LCP2: variants seen among roughly 807,000 people sequenced by gnomAD.
The protein encoded by LCP2 is lymphocyte cytosolic protein 2.
Under a neutral mutation model 74.5 loss-of-function variants are expected in LCP2, and 29 were observed. That is an observed-to-expected ratio of 0.39 (90% CI 0.29 to 0.53). LCP2 has a LOEUF of 0.53. LCP2 is among the 20% of genes least tolerant of loss of function. The pLI is 0.72. For synonymous variants in LCP2, 228 were observed against 229.5 expected (o/e 0.99, Z 0.06); for missense variants, 604 against 634.6 (o/e 0.95, Z 0.52).
chr5:170,289,516 G>T (rs1026085411), intron 2 of LCP2, among the ~76,000 whole-genome samples: 56 of 152,312 alleles, frequency 3.7e-4, no homozygotes, highest in African/African-American at 1.3e-3. Flanking sequence ...ACCTGCGGCA[G>T]GGTGGGGCTG....
At chr5:170,252,391 A>G (rs1581056439) in intron 19 of LCP2, 43 bp downstream of exon 19, 1 of 1,124,740 alleles carries the variant, frequency 8.9e-7, no homozygotes, top group South Asian at 1.3e-5. Flanking sequence ...CTTCTCTGCC[A>G]TTAATATTTA....
chr5:170,274,032 G>A (rs995423009), intron 6 of LCP2: 81 of 499,138 alleles, frequency 1.6e-4, no homozygotes, highest in Non-Finnish European at 1.8e-4. Context: ...GTTTATGGGC[G>A]CAAAGCCAAG....
intron 16 of LCP2, 70 bp downstream of exon 16, chr5:170,257,967 T>C: frequency 6.6e-7 from 1 of 1,513,362 alleles, no homozygotes; most frequent in Non-Finnish European, 9.2e-7. Flanking sequence ...TCAATCTGCC[T>C]GGCATTACTT....
At chr5:170,279,126 AGT>A (rs1561974935) in intron 3 of LCP2, among the ~76,000 whole-genome samples, 1 of 152,098 alleles carries the variant, frequency 6.6e-6, no homozygotes, top group Non-Finnish European at 1.5e-5. Context: ...CAGAGCAAGA[AGT>A]GATGGGGGCT....
chr5:170,269,235 T>A (rs1761845902), intron 7 of LCP2, among the ~76,000 whole-genome samples: 1 of 152,226 alleles, frequency 6.6e-6, no homozygotes, highest in African/African-American at 2.4e-5. Flanking sequence ...TCCACGGAAG[T>A]GTCCCTAGGC....
chr5:170,288,032 A>G lies in LCP2; in HGVS notation c.142-16T>C, dbSNP rs372670210. The G allele has an allele frequency of 2.5e-6, 4 of 1,613,830 alleles. No homozygotes were observed. Among genetic ancestry groups the G allele is most frequent in the South Asian group, 1.1e-5 (1 of 91,080 alleles). On this transcript the variant is annotated splice_polypyrimidine_tract_variant and intron_variant, in intron 2 of 20. Transcript: ENST00000046794. Reference sequence around the variant, plus strand: ...CTGTCAGGTTCTGAAATGAAGACACATATGGCAGGCAGGTTACAACCCACA... The same window carrying G: ...CTGTCAGGTTCTGAAATGAAGACACGTATGGCAGGCAGGTTACAACCCACA...
chr5:170,297,560 C>G lies in LCP2; in HGVS notation c.52G>C (p.Asp18His). Residue 18 changes from aspartate to histidine, a missense_variant, in exon 1 of 21, where the codon GAC (aspartate) becomes CAC (histidine). Coordinates refer to ENST00000046794, the MANE Select transcript of LCP2 (RefSeq NM_005565.5). ...FRSEVLGWDP[D>H]SLADYFKKLN... ...TTCTTGAAATAGTCAGCAAGGCTGT[C>G]GGGGTCCCAGCCCAGGACCTCTGAG... 6.2e-7 allele frequency: 1 copy of G among 1,613,046 alleles called. No homozygotes were observed. Among genetic ancestry groups the G allele is most frequent in the Non-Finnish European group, 8.5e-7 (1 of 1,179,482 alleles).
intron 1 of LCP2, 115 bp downstream of exon 1, chr5:170,297,419 G>T: frequency 4.7e-6 from 4 of 857,396 alleles, no homozygotes; most frequent in East Asian, 2.8e-5. Context: ...TTGCCATAGG[G>T]TTCCATTGCT....
Position 170,267,075 on chromosome 5 carries a change from G to C in LCP2, c.622C>G (p.Pro208Ala). The C allele has an allele frequency of 1.2e-6, 2 of 1,613,766 alleles. No homozygotes were observed. The highest frequency in any genetic ancestry group is 1.7e-6 in the Non-Finnish European group (2 of 1,179,878). Residue 208 changes from proline (P) to alanine (A), a missense_variant and splice_region_variant, in exon 9 of 21, where the codon CCA becomes GCA. By Grantham distance (27) the Pro-to-Ala change is conservative. Transcript: ENST00000046794. ...TGGTTGGTCTGGGGTGGGGGCAGTG[G>C]CTGCATAAAGATCCAAACGTTAGGA... The part of the protein sequence containing the change: ...PPPPAGRNHS[P>A]LPPPQTNHEE...
At position 170,275,281 on chromosome 5, in the gene LCP2, C is replaced by A. The variant is rs565376461; in HGVS notation, c.286+39G>T. 11 of 1,611,944 alleles carry A rather than the reference C, an allele frequency of 6.8e-6. No homozygotes were observed. In the South Asian group the frequency reaches 1.2e-4, roughly 18 times the overall value. ...GGCAAGAAAACTGAAATACCTATCA[C>A]CTCCTAAAGCAATCACCTCTGAGCC... On this transcript the variant is annotated intron_variant, in intron 5 of 20. Transcript: ENST00000046794.
intron 14 of LCP2, 51 bp downstream of exon 14, chr5:170,261,056 A>G (rs778815910): frequency 5.7e-6 from 8 of 1,402,834 alleles, no homozygotes; most frequent in Non-Finnish European, 7.1e-6. Context: ...CTAAGAGCCT[A>G]TGCTTCTTTT....
chr5:170,290,976 GAA>G (rs1451021305), intron 2 of LCP2, among the ~76,000 whole-genome samples: 19 of 79,790 alleles, frequency 2.4e-4, no homozygotes, highest in African/African-American at 9.4e-4. Context: ...AAGAAAGAAA[GAA>G]AGAAAGAAAG....
rs745980728 is a variant in LCP2 at position 170,256,722 on chromosome 5, A to C, written c.1101-147T>G. 4.0e-5 allele frequency: 27 copies of C among 674,224 alleles called. No homozygotes were observed. In the Admixed American group the frequency reaches 5.7e-4, roughly 14 times the overall value. The allele number at this position is 674,224 out of a possible 1,614,324, so 41.8% of individuals were successfully genotyped here. On this transcript the variant is annotated intron_variant, in intron 16 of 20. Transcript: ENST00000046794. The surrounding 1 kb of genome is among the most constrained non-coding windows in gnomAD (Gnocchi z 4.5). ...CCCCAAAACCATGGGGGCTGGGCAC[A>C]GGGACAGAACACAGCACACAGGGAA...
At chr5:170,253,508 TA>T (rs1187281741) in intron 17 of LCP2, among the ~76,000 whole-genome samples, 1 of 152,164 alleles carries the variant, frequency 6.6e-6, no homozygotes, top group Non-Finnish European at 1.5e-5. Flanking sequence ...GATCCCTTTA[TA>T]AAAAAATTCG....
At chr5:170,259,018 T>C in intron 14 of LCP2, 140 bp from the exon 15 acceptor site, 1 of 622,980 alleles carries the variant, frequency 1.6e-6, no homozygotes, top group Non-Finnish European at 2.8e-6. Context: ...ATAATAAATA[T>C]ACTGTGGAGA....
At chr5:170,291,318 G>T (rs192729800) in intron 2 of LCP2, among the ~76,000 whole-genome samples, 1 of 152,188 alleles carries the variant, frequency 6.6e-6, no homozygotes, top group Non-Finnish European at 1.5e-5. Context: ...GCTGGAAAGG[G>T]TGATAGATTA....
In LCP2 at chr5:170,279,972, GA is replaced by G. The variant is rs148341081; in HGVS notation, c.189-4113del. ...GCAGGTGGAAAAGGAGGGAGAGAGA[GA>G]GGGGGGAAGGGAAGGGAAGGGGAAG... On this transcript the variant is annotated intron_variant, in intron 3 of 20. Coordinates refer to ENST00000046794, the MANE Select transcript of LCP2 (RefSeq NM_005565.5). Among the ~76,000 whole-genome samples the G allele has an allele frequency of 3.0e-3, 449 of 152,088 alleles. 3 individuals carry two copies. Among genetic ancestry groups the G allele is most frequent in the African/African-American group, 1.0e-2 (413 of 41,468 alleles).
intron 2 of LCP2, among the ~76,000 whole-genome samples, chr5:170,289,667 T>TTTTC (rs1554141438): frequency 9.2e-5 from 7 of 76,382 alleles, no homozygotes; most frequent in African/African-American, 3.4e-4. Context: ...CTTTCTTTCT[T>TTTTC]TCTTTCTCTC....
intron 19 of LCP2, chr5:170,251,516 A>G: frequency 2.8e-6 from 1 of 354,778 alleles, no homozygotes; most frequent in Non-Finnish European, 5.8e-6. Flanking sequence ...TACTGTAAAG[A>G]TCTAATATTA....
Sources: gnomAD v4.1 joint callset for allele counts (sites outside exome capture counted in the v4.1 genomes callset) on GRCh38, gnomAD v4.1.1 for gene constraint, Gnocchi (gnomAD v3.1) non-coding constraint, MANE v1.5 for transcripts, NCBI Gene and HGNC (gene_info 2026-07-23, HGNC 2026-07-21) for gene names.